Variants in PCCA observed in about 807,000 individuals in gnomAD.
PCCA encodes propionyl-CoA carboxylase alpha chain, mitochondrial.
In PCCA, 74 loss-of-function variants were observed where a neutral mutation model predicts 101.3. The ratio of observed to expected loss-of-function variants is 0.73; its 90% CI spans 0.61 to 0.89. The LOEUF is 0.89. Ranked by LOEUF, PCCA falls within the 40% of genes least tolerant of loss-of-function variation. The probability of loss-of-function intolerance (pLI) is 0.00; values close to 1 mark genes in which losing one functional copy is unlikely to be tolerated. For missense variants in PCCA, 891 were observed against 907.0 expected (o/e 0.98, Z 0.23); for synonymous variants, 294 against 313.6 (o/e 0.94, Z 0.66).
intron 7 of PCCA, among the ~76,000 whole-genome samples, chr13:100,216,885 G>A (rs2059552131): frequency 6.6e-6 from 1 of 152,014 alleles, no homozygotes; most frequent in South Asian, 2.1e-4. Context: ...GAGGTGGGCG[G>A]ATCACCTGAG....
intron 21 of PCCA, among the ~76,000 whole-genome samples, chr13:100,461,730 G>C (rs2082177479): frequency 6.6e-6 from 1 of 152,218 alleles, no homozygotes; most frequent in African/African-American, 2.4e-5. Context: ...TGCCTTTGCA[G>C]CTGCTCCAAG....
chr13:100,148,983 C>T (rs959763718), intron 4 of PCCA, among the ~76,000 whole-genome samples: 3 of 151,994 alleles, frequency 2.0e-5, no homozygotes, highest in Admixed American at 1.3e-4. Context: ...AAAATGGAAT[C>T]AAAGCGAATC....
intron 12 of PCCA, among the ~76,000 whole-genome samples, chr13:100,279,877 A>G (rs2063948586): frequency 6.6e-6 from 1 of 152,160 alleles, no homozygotes; most frequent in African/African-American, 2.4e-5. Context: ...CCCAAGATAT[A>G]TGTTATCTCT....
intron 19 of PCCA, among the ~76,000 whole-genome samples, chr13:100,391,637 G>A (rs1041522261): frequency 1.3e-5 from 2 of 152,092 alleles, no homozygotes; most frequent in Non-Finnish European, 2.9e-5. Flanking sequence ...AGATCCTGAA[G>A]GGCCTTTAAA....
intron 9 of PCCA, among the ~76,000 whole-genome samples, chr13:100,259,174 A>T (rs2152560500): frequency 6.6e-6 from 1 of 152,238 alleles, no homozygotes; most frequent in East Asian, 1.9e-4. Flanking sequence ...TTCAGGTACA[A>T]AGGAAAATTT....
chr13:100,334,973 A>C (rs1446067637), intron 17 of PCCA, among the ~76,000 whole-genome samples: 3 of 152,234 alleles, frequency 2.0e-5, no homozygotes, highest in Non-Finnish European at 4.4e-5. Context: ...CTAGGCATAT[A>C]AAAAACAAAT....
intron 6 of PCCA, among the ~76,000 whole-genome samples, chr13:100,176,987 C>T (rs187985441): frequency 2.0e-5 from 3 of 152,238 alleles, no homozygotes; most frequent in East Asian, 1.9e-4. Flanking sequence ...TCTGGTAAAT[C>T]GCTTGCAAAT....
intron 13 of PCCA, 115 bp from the exon 14 acceptor site, chr13:100,302,809 A>G: frequency 1.3e-6 from 1 of 745,020 alleles, no homozygotes; most frequent in Non-Finnish European, 2.5e-6. Context: ...GTGATTTGGT[A>G]AATACCATAT....
chr13:100,267,459 T>C (rs1595025066), intron 10 of PCCA, among the ~76,000 whole-genome samples: 1 of 152,320 alleles, frequency 6.6e-6, no homozygotes, highest in Non-Finnish European at 1.5e-5. Flanking sequence ...AGCCATGATC[T>C]TTATTTGATT....
At chr13:100,263,291 G>A (rs911751472) in intron 10 of PCCA, among the ~76,000 whole-genome samples, 2 of 152,120 alleles carry the variant, frequency 1.3e-5, no homozygotes, top group Non-Finnish European at 2.9e-5. Context: ...AAAATAAAAC[G>A]GGGAAGAAGA....
chr13:100,151,750 T>C (rs2053352158), intron 4 of PCCA, among the ~76,000 whole-genome samples: 1 of 152,222 alleles, frequency 6.6e-6, no homozygotes. Flanking sequence ...TTAAAATGCT[T>C]TACTTTTCTT....
chr13:100,363,929 T>C (rs2074908170), intron 18 of PCCA, among the ~76,000 whole-genome samples: 1 of 152,172 alleles, frequency 6.6e-6, no homozygotes, highest in Non-Finnish European at 1.5e-5. Flanking sequence ...ATAGTGACTA[T>C]CAGCTGACAG....
chr13:100,510,487 G>T (rs760165200), intron 21 of PCCA, among the ~76,000 whole-genome samples: 2 of 152,104 alleles, frequency 1.3e-5, no homozygotes, highest in African/African-American at 4.8e-5. Flanking sequence ...GCTTTGTACC[G>T]CACTACACCA....
intron 13 of PCCA, 124 bp from the exon 14 acceptor site, chr13:100,302,800 T>G: frequency 1.4e-6 from 1 of 726,012 alleles, no homozygotes; most frequent in South Asian, 1.5e-5. Context: ...CTGAAATCTG[T>G]GATTTGGTAA....
At chr13:100,204,731 A>C (rs1237929077) in intron 6 of PCCA, among the ~76,000 whole-genome samples, 2 of 152,178 alleles carry the variant, frequency 1.3e-5, no homozygotes, top group East Asian at 3.8e-4. Context: ...AGAACCATAG[A>C]GTCACAGAAT....
At chr13:100,217,083 T>G (rs951725379) in intron 7 of PCCA, among the ~76,000 whole-genome samples, 18 of 151,570 alleles carry the variant, frequency 1.2e-4, no homozygotes, top group African/African-American at 4.1e-4. Context: ...CACTCCAGCC[T>G]GGGCAACAAG....
chr13:100,367,168 A>G (rs1405608072), intron 18 of PCCA, among the ~76,000 whole-genome samples: 1 of 152,236 alleles, frequency 6.6e-6, no homozygotes, highest in Non-Finnish European at 1.5e-5. Flanking sequence ...AAATCATTAA[A>G]TTTTGTTACT....
At chr13:100,125,483 A>G (rs2049869096) in intron 4 of PCCA, among the ~76,000 whole-genome samples, 1 of 152,220 alleles carries the variant, frequency 6.6e-6, no homozygotes, top group South Asian at 2.1e-4. Context: ...ATGGTTTTGA[A>G]TCTGGGAGTC....
chr13:100,319,005 T>A (rs923112446), intron 16 of PCCA, among the ~76,000 whole-genome samples: 6 of 152,182 alleles, frequency 3.9e-5, no homozygotes, highest in African/African-American at 1.4e-4. Context: ...TGTTGTTTCC[T>A]GACTTTTTAA....
Sources: allele counts gnomAD v4.1 joint callset (sites outside exome capture counted in the v4.1 genomes callset), GRCh38; gene constraint gnomAD v4.1.1; transcripts MANE v1.5; gene names NCBI Gene and HGNC (gene_info 2026-07-23, HGNC 2026-07-21).